TEDC1: variants seen among roughly 807,000 people sequenced by gnomAD.
TEDC1 encodes the protein tubulin epsilon and delta complex 1, also known as tubulin epsilon and delta complex protein 1.
A neutral mutation model predicts 59.9 loss-of-function variants in TEDC1; 54 were observed. The ratio of observed to expected loss-of-function variants is 0.90; its 90% CI spans 0.72 to 1.13. The LOEUF (loss-of-function observed/expected upper bound fraction) is 1.13, where lower values mean the gene tolerates loss of function less well. Ranked by LOEUF, TEDC1 falls within the 50% of genes most tolerant of loss-of-function variation. TEDC1 has a pLI of 0.00. For synonymous variants in TEDC1, 353 were observed against 298.1 expected, an observed-to-expected ratio of 1.18 and a Z score of -1.90; for missense variants, 734 against 683.4, an observed-to-expected ratio of 1.07 and a Z score of -0.83.
At chr14:105,492,030 TG>T in intron 2 of TEDC1, 76 bp from the exon 3 acceptor site, 3 of 1,422,434 alleles carry the variant, frequency 2.1e-6, no homozygotes, top group African/African-American at 1.4e-5. Flanking sequence ...AAGTGACCTG[TG>T]GGGGTCTCTG....
Position 105,498,726 on chromosome 14 carries a change from G to GC in TEDC1, c.1271dup (p.Ala425GlyfsTer147). ...CAGCAGTGCTGGGAGCGAGACGGTGGCCCGGCCCAGCCCCATGGGCCACAC... is the reference window on the plus strand; with the variant it reads ...CAGCAGTGCTGGGAGCGAGACGGTGGCCCCGGCCCAGCCCCATGGGCCACAC... On this transcript the variant is annotated frameshift_variant, in exon 9 of 9. Transcript: ENST00000392523. LOFTEE classifies it high-confidence loss of function. 6.4e-7 allele frequency: 1 copy of GC among 1,555,048 alleles called. No homozygotes were observed. Among genetic ancestry groups the GC allele is most frequent in the South Asian group, 1.2e-5 (1 of 84,432 alleles).
intron 6 of TEDC1, chr14:105,496,878 A>G (rs1179135457): frequency 9.7e-6 from 2 of 205,208 alleles, no homozygotes; most frequent in South Asian, 7.2e-5. Flanking sequence ...GTTACAGGGG[A>G]TGGGTTTTCC....
Position 105,492,216 on chromosome 14 carries a change from G to T in TEDC1, c.336G>T (p.Leu112=), listed in dbSNP as rs372925511. Residue 112 remains leucine, a synonymous_variant, in exon 3 of 9, where the codon CTG becomes CTT. Coordinates refer to ENST00000392523, the MANE Select transcript of TEDC1 (RefSeq NM_001367178.1). ...DGSQGSRELL[L]ALSWLLARGP... is the part of the protein sequence containing the mutation. ...CGCAGGGCAGTCGGGAGCTGCTGCT[G>T]GCTCTGTCCTGGCTCTTGGCCCGAG... 1.2e-5 allele frequency: 20 copies of T among 1,612,340 alleles called. No individual in the cohort carries two copies. In the African/African-American group the frequency reaches 2.5e-4, roughly 20 times the overall value.
At chr14:105,496,187 T>C in intron 6 of TEDC1, 101 bp downstream of exon 6, 1 of 1,131,804 alleles carries the variant, frequency 8.8e-7, no homozygotes, top group Non-Finnish European at 1.2e-6. Flanking sequence ...TCCTGCCTGC[T>C]CCCACCCCTG....
intron 7 of TEDC1, 134 bp from the exon 8 acceptor site, chr14:105,497,664 C>T (rs2084378036): frequency 8.0e-7 from 1 of 1,251,226 alleles, no homozygotes; most frequent in Non-Finnish European, 1.1e-6. Context: ...CTTTGTGCCT[C>T]CCTGGACGTC....
At chr14:105,491,797 C>A (rs587723680) in intron 2 of TEDC1, 97 bp downstream of exon 2, 8 of 1,372,472 alleles carry the variant, frequency 5.8e-6, no homozygotes, top group Non-Finnish European at 1.0e-6. Context: ...CCGGCAGGCT[C>A]TAGCCCCCAC....
Position 105,492,193 on chromosome 14 carries a change from C to G in TEDC1, c.313C>G (p.Gln105Glu). ...ALAQLPEDGSQGSRELLLALS... is the reference protein window; with the variant it reads ...ALAQLPEDGSEGSRELLLALS... ...GGCACAACTACCTGAGGATGGCTCG[C>G]AGGGCAGTCGGGAGCTGCTGCTGGC... Residue 105 changes from glutamine to glutamate, a missense_variant, in exon 3 of 9, where the codon CAG becomes GAG. Transcript: ENST00000392523. The G allele has an allele frequency of 6.2e-7, 1 of 1,612,892 alleles. No homozygotes were observed. The highest frequency in any genetic ancestry group is 8.5e-7 in the Non-Finnish European group (1 of 1,179,894).
intron 5 of TEDC1, chr14:105,495,678 G>C: frequency 1.7e-6 from 1 of 582,674 alleles, no homozygotes. Flanking sequence ...GCTCAGCGAA[G>C]CCCAGGCTTC....
chr14:105,492,046 G>A (rs1398426662), intron 2 of TEDC1, 61 bp from the exon 3 acceptor site: 5 of 1,499,426 alleles, frequency 3.3e-6, no homozygotes, highest in African/African-American at 2.8e-5. Flanking sequence ...TCTCTGGAGG[G>A]ATCCAGGTGG....
At position 105,497,863 on chromosome 14, in the gene TEDC1, C is replaced by T. The variant is rs1555440778; in HGVS notation, c.1044C>T (p.Pro348=). 5 of 1,566,944 alleles carry T rather than the reference C, an allele frequency of 3.2e-6. No individual in the cohort carries two copies. Among genetic ancestry groups the T allele is most frequent in the Non-Finnish European group, 4.3e-6 (5 of 1,156,264 alleles). Residue 348 remains proline, a synonymous_variant, in exon 8 of 9, where the codon CCC becomes CCT. Transcript: ENST00000392523. ...PAAASQPTFL[P]WVPERGGGEL... ...CAGCCTCACAGCCCACCTTCCTGCC[C>T]TGGGTCCCCGAGCGCGGGGGTGGCG...
chr14:105,497,744 C>G, intron 7 of TEDC1, 54 bp from the exon 8 acceptor site: 2 of 1,466,648 alleles, frequency 1.4e-6, no homozygotes, highest in Non-Finnish European at 1.8e-6. Flanking sequence ...TCTTTGCCCT[C>G]TGTCCCTCTG....
In TEDC1 at chr14:105,498,952, T is replaced by C. The variant is rs112174320; in HGVS notation, c.*6T>C. 4,645 of 1,593,126 alleles carry C rather than the reference T, an allele frequency of 2.9e-3. 88 individuals carry two copies. The South Asian group carries it at 0.029, about 10-fold the overall frequency. On this transcript the variant is annotated 3_prime_UTR_variant, in exon 9 of 9. Transcript: ENST00000392523. Reference sequence around the variant, plus strand: ...TCCCGCCACCTGGACGCTGAGGGCCTGTCGACGGGCCCTCGTGTGGGAAGC... The same window carrying C: ...TCCCGCCACCTGGACGCTGAGGGCCCGTCGACGGGCCCTCGTGTGGGAAGC...
rs939354725 is a variant in TEDC1, at chr14:105,498,856, A to T, written c.1398A>T (p.Leu466=). The T allele has an allele frequency of 1.9e-6, 3 of 1,611,738 alleles. No individual in the cohort carries two copies. The highest frequency in any genetic ancestry group is 1.7e-6 in the Non-Finnish European group (2 of 1,179,614). ...RSQEACLEAV[L]RRLQGQCRQE... is the part of the protein sequence containing the mutation. ...AGGAGGCCTGCCTGGAGGCGGTGCT[A>T]CGTCGACTACAGGGACAGTGTCGGC... Residue 466 remains leucine, a synonymous_variant, in exon 9 of 9, where the codon CTA becomes CTT. Transcript: ENST00000392523.
rs782685957 is a variant in TEDC1, at chr14:105,497,823, C to T, written c.1004C>T (p.Pro335Leu). ...GACACGGTCCTGGGCACCTGTGCCCCGGAGGTGCCTGCTGCAGCCTCACAG... is the reference window on the plus strand; with the variant it reads ...GACACGGTCCTGGGCACCTGTGCCCTGGAGGTGCCTGCTGCAGCCTCACAG... The part of the protein sequence containing the change: ...WMDTVLGTCA[P>L]EVPAAASQPT... The change falls in exon 8 of 9, where the codon CCG (proline) becomes CTG (leucine). Residue 335 changes from proline (P) to leucine (L), a missense_variant. Physicochemically the swap from Pro to Leu is moderately conservative, Grantham distance 98. Coordinates refer to ENST00000392523, the MANE Select transcript of TEDC1 (RefSeq NM_001367178.1). 9.1e-5 allele frequency: 143 copies of T among 1,571,966 alleles called. No individual in the cohort carries two copies. In the Middle Eastern group the frequency reaches 1.7e-3, roughly 18 times the overall value.
At chr14:105,496,401 C>G (rs1211161302) in intron 6 of TEDC1, 4 of 356,920 alleles carry the variant, frequency 1.1e-5, no homozygotes, top group Non-Finnish European at 2.1e-5. Context: ...CTGCCTGCCT[C>G]TGCTCTGCTC....
chr14:105,496,256 G>A (rs1250656284), intron 6 of TEDC1, 170 bp downstream of exon 6: 7 of 700,544 alleles, frequency 1.0e-5, no homozygotes, highest in East Asian at 2.8e-5. Flanking sequence ...TGAAGCGGCC[G>A]TACCCATGGT....
chr14:105,498,125 G>C, intron 8 of TEDC1, 148 bp downstream of exon 8: 1 of 1,037,230 alleles, frequency 9.6e-7, no homozygotes. Context: ...CTGAGGGAGC[G>C]GGAGGGCACC....
chr14:105,491,293 T>C lies in TEDC1; in HGVS notation c.-83T>C. 1 of 1,508,616 alleles carries C rather than the reference T, an allele frequency of 6.6e-7. No homozygotes were observed. The highest frequency in any genetic ancestry group is 8.8e-7 in the Non-Finnish European group (1 of 1,131,554). The allele number at this position is 1,508,616 out of a possible 1,614,324, so 93.5% of individuals were successfully genotyped here. A position where few individuals can be genotyped will look rare whatever the true frequency, so the allele number is the denominator to read the frequency against. On this transcript the variant is annotated 5_prime_UTR_variant, in exon 1 of 9. Transcript: ENST00000392523. ...TGGGCGCAGGTCCCAGCCGCCGCAC[T>C]AAACCCGGCCCGTGCGGTGATTGGA... is the stretch of plus-strand genomic sequence containing the variant.
intron 5 of TEDC1, 82 bp downstream of exon 5, chr14:105,494,015 T>TGGGGGGGGGGGGGGGGGGGGGGG: frequency 1.3e-5 from 2 of 158,598 alleles, no homozygotes; most frequent in Non-Finnish European, 1.3e-5. Flanking sequence ...GGGAGGGGCC[T>TGGGGGGGGGGGGGGGGGGGGGGG]GGGGGCGGGG....
Sources: allele counts gnomAD v4.1 joint callset, GRCh38; gene constraint gnomAD v4.1.1; transcripts MANE v1.5; gene names NCBI Gene and HGNC (gene_info 2026-07-23, HGNC 2026-07-21).